Variants in CDH12 observed in about 807,000 individuals in gnomAD.
CDH12 encodes cadherin-12.
Under a neutral mutation model 74.1 loss-of-function variants are expected in CDH12, and 41 were observed. The ratio of observed to expected loss-of-function variants is 0.55; its 90% confidence interval spans 0.43 to 0.72. CDH12 has a LOEUF of 0.72. Ranked by LOEUF, CDH12 falls within the 30% of genes least tolerant of loss-of-function variation. The pLI, the probability that CDH12 is intolerant of heterozygous loss-of-function variation, is 0.00. For missense variants in CDH12, 945 were observed against 977.2 expected, an observed-to-expected ratio of 0.97 and a Z score of 0.44; for synonymous variants, 399 against 355.0, an observed-to-expected ratio of 1.12 and a Z score of -1.39.
chr5:22,793,113 T>G lies in CDH12; in HGVS notation c.-523+59945A>C, dbSNP rs551014386. Among the ~76,000 whole-genome samples, 23 of 152,288 alleles carry G rather than the reference T, an allele frequency of 1.5e-4. 1 individual carries two copies. Among genetic ancestry groups the G allele is most frequent in the East Asian group, 5.8e-4 (3 of 5,180 alleles). On this transcript the variant is annotated intron_variant, in intron 1 of 14. Coordinates refer to ENST00000382254, the MANE Select transcript of CDH12 (RefSeq NM_004061.5). Reference sequence around the variant, plus strand: ...TTCATGAAATATATGATCCCATTAGTTTGGTTGGAGCTACATTACACTATT... The same window carrying G: ...TTCATGAAATATATGATCCCATTAGGTTGGTTGGAGCTACATTACACTATT...
chr5:21,982,343 G>A (rs1221882108), intron 5 of CDH12, among the ~76,000 whole-genome samples: 1 of 151,884 alleles, frequency 6.6e-6, no homozygotes, highest in Non-Finnish European at 1.5e-5. Context: ...AGAACTAGAA[G>A]CTATCCTGGG....
intron 1 of CDH12, among the ~76,000 whole-genome samples, chr5:22,612,187 A>C (rs983875190): frequency 3.3e-5 from 5 of 152,102 alleles, no homozygotes; most frequent in African/African-American, 7.2e-5. Flanking sequence ...TCTTCCTTCA[A>C]TAACTTGCTC....
chr5:22,077,445 TG>T (rs1230993171), intron 5 of CDH12, among the ~76,000 whole-genome samples: 1 of 152,170 alleles, frequency 6.6e-6, no homozygotes, highest in Non-Finnish European at 1.5e-5. Context: ...AGGGATTTGC[TG>T]CTCAAGAGTC....
chr5:22,591,834 T>C (rs191675389), intron 1 of CDH12, among the ~76,000 whole-genome samples: 1 of 152,220 alleles, frequency 6.6e-6, no homozygotes, highest in African/African-American at 2.4e-5. Context: ...AAACTGTATG[T>C]TGGCATTACA....
At chr5:22,063,927 A>T (rs1350681910) in intron 5 of CDH12, among the ~76,000 whole-genome samples, 1 of 151,834 alleles carries the variant, frequency 6.6e-6, no homozygotes, top group African/African-American at 2.4e-5. Flanking sequence ...TCACGATTAC[A>T]TGAGTCAGTT....
intron 3 of CDH12, among the ~76,000 whole-genome samples, chr5:22,269,035 T>A (rs1233381775): frequency 6.6e-6 from 1 of 152,070 alleles, no homozygotes; most frequent in Non-Finnish European, 1.5e-5. Context: ...CTGGACAAAT[T>A]TGCTCATCTC....
chr5:21,762,874 C>CTTTTTTTT lies in CDH12; in HGVS notation c.1515+2096_1515+2103dup, dbSNP rs10561731. On this transcript the variant is annotated intron_variant, in intron 12 of 14. Transcript: ENST00000382254. Reference sequence around the variant, plus strand: ...AACCACCTAAAAGCTAAAGAACTGGCTTTTTTTTTTTTTTTTTGTCTTTGT... The same window carrying CTTTTTTTT: ...AACCACCTAAAAGCTAAAGAACTGGCTTTTTTTTTTTTTTTTTTTTTTTTTGTCTTTGT... Among the ~76,000 whole-genome samples the CTTTTTTTT allele has an allele frequency of 3.9e-5, 5 of 128,504 alleles. 1 individual carries two copies. Among genetic ancestry groups the CTTTTTTTT allele is most frequent in the Non-Finnish European group, 3.4e-5 (2 of 59,234 alleles). The allele number at this position is 128,504 out of a possible 152,430, so 84.3% of individuals were successfully genotyped here.
At chr5:22,716,138 AAAAC>A (rs758179827) in intron 1 of CDH12, among the ~76,000 whole-genome samples, 6 of 152,126 alleles carry the variant, frequency 3.9e-5, no homozygotes, top group African/African-American at 1.2e-4. Flanking sequence ...CTCTGTCTCA[AAAAC>A]AAACAAACAA....
intron 7 of CDH12, among the ~76,000 whole-genome samples, chr5:21,851,817 G>A (rs906591742): frequency 4.0e-5 from 6 of 151,300 alleles, no homozygotes; most frequent in Non-Finnish European, 7.4e-5. Context: ...GGGAATGTTT[G>A]TCAAACAGCA....
intron 1 of CDH12, among the ~76,000 whole-genome samples, chr5:22,522,414 T>C (rs1737092107): frequency 6.6e-6 from 1 of 152,218 alleles, no homozygotes; most frequent in African/African-American, 2.4e-5. Flanking sequence ...TTGTCTACTA[T>C]TGCTCTGGTA....
chr5:22,578,848 C>T (rs552169831), intron 1 of CDH12, among the ~76,000 whole-genome samples: 9 of 152,184 alleles, frequency 5.9e-5, no homozygotes, highest in African/African-American at 2.2e-4. Context: ...TGAATTGTTT[C>T]TTCTCTTCTG....
intron 6 of CDH12, among the ~76,000 whole-genome samples, chr5:21,864,047 T>C (rs1257623276): frequency 6.6e-6 from 1 of 152,158 alleles, no homozygotes; most frequent in African/African-American, 2.4e-5. Flanking sequence ...TTGAAATTTA[T>C]TTTCAAATAA....
In CDH12 at chr5:22,024,973, T is replaced by C. The variant is rs144002363; in HGVS notation, c.232-49588A>G. On this transcript the variant is annotated intron_variant, in intron 5 of 14. Transcript: ENST00000382254. ...CTAAAAAATTGAAATACTGAGTAAA[T>C]ACTTTTCAACAATTGTTCAGCCAAC... 5.5e-4 allele frequency among the ~76,000 whole-genome samples: 84 copies of C among 152,252 alleles called. 1 individual carries two copies. Among genetic ancestry groups the C allele is most frequent in the East Asian group, 2.5e-3 (13 of 5,182 alleles).
At chr5:21,864,761 C>G (rs1410858025) in intron 6 of CDH12, among the ~76,000 whole-genome samples, 3 of 152,106 alleles carry the variant, frequency 2.0e-5, no homozygotes, top group Admixed American at 6.5e-5. Context: ...TCACCATGAA[C>G]ACAGTATTAA....
chr5:21,949,304 G>T (rs999973493), intron 6 of CDH12, among the ~76,000 whole-genome samples: 1 of 151,814 alleles, frequency 6.6e-6, no homozygotes, highest in African/African-American at 2.4e-5. Flanking sequence ...CAAAAAATTA[G>T]CCAGGCCTGG....
chr5:22,133,590 C>A lies in CDH12; in HGVS notation c.-186-54728G>T, dbSNP rs560347548. 1.8e-3 allele frequency among the ~76,000 whole-genome samples: 281 copies of A among 152,088 alleles called. 1 individual carries two copies. The highest frequency in any genetic ancestry group is 5.9e-3 in the African/African-American group (246 of 41,508). On this transcript the variant is annotated intron_variant, in intron 4 of 14. Coordinates refer to ENST00000382254, the MANE Select transcript of CDH12 (RefSeq NM_004061.5). ...CTCATGAAATTTTTACCAGTAAGTT[C>A]TAAATAAAATAATTCAAAAATCTGA... is the stretch of plus-strand genomic sequence containing the variant.
chr5:22,809,394 A>G (rs928179731), intron 1 of CDH12, among the ~76,000 whole-genome samples: 1 of 151,728 alleles, frequency 6.6e-6, no homozygotes, highest in Admixed American at 6.6e-5. Flanking sequence ...AAAATATAAA[A>G]TATAGGGATC....
chr5:22,627,425 G>A (rs1459246900), intron 1 of CDH12, among the ~76,000 whole-genome samples: 1 of 147,900 alleles, frequency 6.8e-6, no homozygotes, highest in East Asian at 2.0e-4. Context: ...GAGGGATTGT[G>A]TGCCTATATT....
intron 3 of CDH12, among the ~76,000 whole-genome samples, chr5:22,285,857 A>T (rs1737110904): frequency 1.3e-5 from 2 of 152,110 alleles, no homozygotes; most frequent in African/African-American, 4.8e-5. Context: ...AGGCATTCTT[A>T]CTTCTGAGGA....
Sources: gnomAD v4.1 joint callset for allele counts (sites outside exome capture counted in the v4.1 genomes callset) on GRCh38, gnomAD v4.1.1 for gene constraint, MANE v1.5 for transcripts, NCBI Gene and HGNC (gene_info 2026-07-23, HGNC 2026-07-21) for gene names.